The following CAST variants were observed in gnomAD, a reference collection of about 807,000 sequenced individuals.
CAST encodes the protein calpastatin, also known as MIR583 host.
CAST carries 76 observed loss-of-function variants against 119.6 expected under a neutral mutation model. The observed-to-expected ratio is 0.64, with a 90% CI of 0.53 to 0.77. The LOEUF (loss-of-function observed/expected upper bound fraction) is 0.77. Among genes scored for constraint, CAST ranks in the 30% least tolerant of loss-of-function variants. The probability of loss-of-function intolerance (pLI) is 0.00; values close to 1 mark genes in which losing one functional copy is unlikely to be tolerated. For synonymous variants in CAST, 319 were observed against 331.6 expected (o/e 0.96, Z 0.41); for missense variants, 953 against 946.5 (o/e 1.01, Z -0.09).
chr5:96,127,672 A>T, the CAST span, among the ~76,000 whole-genome samples: 2 of 152,120 alleles, frequency 1.3e-5, no homozygotes, highest in East Asian at 3.9e-4. Flanking sequence ...TCCTTTAAAA[A>T]TTTTTTTCCT....
chr5:96,675,170 C>G (rs1330909907), intron 1 of CAST, among the ~76,000 whole-genome samples: 1 of 152,146 alleles, frequency 6.6e-6, no homozygotes, highest in Non-Finnish European at 1.5e-5. Context: ...CTGAACTGAG[C>G]CTTAAGTATG....
At chr5:96,501,537 T>C in the CAST span, among the ~76,000 whole-genome samples, 2 of 152,348 alleles carry the variant, frequency 1.3e-5, no homozygotes, top group Admixed American at 6.5e-5. Flanking sequence ...AAATTCTTCA[T>C]TTGTGATAGC....
the CAST span, chr5:96,432,010 A>T: frequency 9.3e-7 from 1 of 1,079,332 alleles, no homozygotes; most frequent in South Asian, 1.3e-5. Flanking sequence ...ACCTCCAACC[A>T]GCTACCTATC....
the CAST span, among the ~76,000 whole-genome samples, chr5:96,020,067 ATAT>A: frequency 6.6e-6 from 1 of 152,198 alleles, no homozygotes; most frequent in African/African-American, 2.4e-5. Context: ...AGCAAGTAAG[ATAT>A]TATCCTCATT....
chr5:96,633,729 A>G (rs1230753542), intron 1 of CAST, among the ~76,000 whole-genome samples: 1 of 152,230 alleles, frequency 6.6e-6, no homozygotes, highest in Non-Finnish European at 1.5e-5. Flanking sequence ...ACCCAGGACA[A>G]AGTGTGAACA....
the CAST span, among the ~76,000 whole-genome samples, chr5:96,124,584 C>T: frequency 6.6e-6 from 1 of 152,040 alleles, no homozygotes; most frequent in African/African-American, 2.4e-5. Flanking sequence ...TGTATCAACC[C>T]TTTATGGACA....
At chr5:96,319,137 A>C in the CAST span, 1 of 152,280 alleles carries the variant, frequency 6.6e-6, no homozygotes, top group African/African-American at 2.4e-5. Flanking sequence ...GTCACATGGC[A>C]AGAGAGGGAG....
chr5:95,988,321 C>G, the CAST span, among the ~76,000 whole-genome samples: 1 of 152,208 alleles, frequency 6.6e-6, no homozygotes, highest in East Asian at 1.9e-4. Flanking sequence ...TAACTTCTTT[C>G]TGCCCTATTT....
At chr5:95,980,904 G>T in the CAST span, among the ~76,000 whole-genome samples, 2 of 152,146 alleles carry the variant, frequency 1.3e-5, no homozygotes, top group East Asian at 3.9e-4. Flanking sequence ...ACTCCCTCCT[G>T]CCCACCAATA....
At chr5:96,403,866 C>T in the CAST span, among the ~76,000 whole-genome samples, 1 of 152,124 alleles carries the variant, frequency 6.6e-6, no homozygotes, top group African/African-American at 2.4e-5. Context: ...TTTCATGCAG[C>T]ATTGAAAGTC....
the CAST span, among the ~76,000 whole-genome samples, chr5:96,324,829 T>TGTC: frequency 6.6e-6 from 1 of 152,184 alleles, no homozygotes; most frequent in Admixed American, 6.5e-5. Context: ...ACTTAAGTTT[T>TGTC]ATGAAGTGAC....
At chr5:96,279,775 G>A in the CAST span, among the ~76,000 whole-genome samples, 1 of 152,174 alleles carries the variant, frequency 6.6e-6, no homozygotes, top group African/African-American at 2.4e-5. Context: ...TGACCATTAA[G>A]GATTTGGCAT....
the CAST span, among the ~76,000 whole-genome samples, chr5:96,228,339 T>C: frequency 1.3e-5 from 2 of 152,180 alleles, no homozygotes; most frequent in East Asian, 3.8e-4. Context: ...CATTTCTAAT[T>C]AATACACCCT....
At chr5:96,408,393 A>G in the CAST span, 1 of 1,076,094 alleles carries the variant, frequency 9.3e-7, no homozygotes, top group Non-Finnish European at 1.4e-6. Context: ...CTTGGGGGTT[A>G]ACTGTACCAA....
chr5:96,152,717 A>G, the CAST span, among the ~76,000 whole-genome samples: 1 of 152,252 alleles, frequency 6.6e-6, no homozygotes, highest in Non-Finnish European at 1.5e-5. Context: ...CCAGTAACAC[A>G]TGCTCAACAA....
the CAST span, among the ~76,000 whole-genome samples, chr5:95,995,610 G>T: frequency 3.0e-4 from 45 of 152,144 alleles, no homozygotes; most frequent in South Asian, 3.3e-3. Flanking sequence ...AGATCAGCAG[G>T]TTCAGTTATG....
the CAST span, among the ~76,000 whole-genome samples, chr5:96,517,851 T>C: frequency 6.6e-6 from 1 of 152,272 alleles, no homozygotes; most frequent in Non-Finnish European, 1.5e-5. Context: ...ACAATAATAA[T>C]GACAGCATGT....
the CAST span, among the ~76,000 whole-genome samples, chr5:96,008,273 TCTC>T: frequency 6.6e-6 from 1 of 152,198 alleles, no homozygotes; most frequent in African/African-American, 2.4e-5. Flanking sequence ...GAGGTGAAAT[TCTC>T]CTACTTCCTT....
At chr5:96,568,593 A>G (rs1209513569) in intron 1 of CAST, among the ~76,000 whole-genome samples, 14 of 150,094 alleles carry the variant, frequency 9.3e-5, no homozygotes, top group Admixed American at 9.3e-4. Context: ...AAAAAAGAAG[A>G]TAAGGGCAGT....
Sources: gnomAD v4.1 joint callset for allele counts (sites outside exome capture counted in the v4.1 genomes callset) on GRCh38, gnomAD v4.1.1 for gene constraint, MANE v1.5 for transcripts, NCBI Gene and HGNC (gene_info 2026-07-23, HGNC 2026-07-21) for gene names.